The following ADA variants were observed in gnomAD, a reference collection of about 807,000 sequenced individuals.
The protein encoded by ADA is adenosine deaminase, also known as adenosine aminohydrolase.
In ADA, 45 loss-of-function variants were observed where a neutral mutation model predicts 49.0. That is an observed-to-expected ratio of 0.92 (90% CI 0.72 to 1.18). The LOEUF (loss-of-function observed/expected upper bound fraction) is 1.18. ADA is among the 50% of genes most tolerant of loss of function. ADA has a pLI of 0.00. For missense variants in ADA, 445 were observed against 472.5 expected (o/e 0.94, Z 0.54); for synonymous variants, 173 against 184.2 (o/e 0.94, Z 0.49).
intron 2 of ADA, chr20:44,635,943 T>A (rs1054331710): frequency 2.1e-6 from 1 of 477,420 alleles, no homozygotes; most frequent in African/African-American, 2.0e-5. Flanking sequence ...ACTACCTTCA[T>A]GCACGTATGT....
intron 1 of ADA, among the ~76,000 whole-genome samples, chr20:44,641,191 C>T (rs940292149): frequency 1.3e-5 from 2 of 152,074 alleles, no homozygotes; most frequent in African/African-American, 4.8e-5. Flanking sequence ...GTTAGGAGCA[C>T]GGGAAGTTCT....
chr20:44,643,425 T>G (rs548179730), intron 1 of ADA, among the ~76,000 whole-genome samples: 63 of 152,218 alleles, frequency 4.1e-4, no homozygotes, highest in African/African-American at 1.5e-3. Context: ...AATACAGAAA[T>G]AATAATAATG....
In ADA at chr20:44,636,344, T is replaced by C. The variant is rs1026221166; in HGVS notation, c.34-56A>G. ...AAGGGAGAGAGAGAACAAATACCTA[T>C]GAGTTCACGAAGGACCTTTCAGAGC... is the stretch of plus-strand genomic sequence containing the variant. On this transcript the variant is annotated intron_variant, in intron 1 of 11. Coordinates refer to ENST00000372874, the MANE Select transcript of ADA (RefSeq NM_000022.4). The C allele has an allele frequency of 4.2e-6, 6 of 1,418,926 alleles. No homozygotes were observed. The African/African-American group carries it at 5.7e-5, about 13-fold the overall frequency. 87.9% of individuals were successfully genotyped at this position (1,418,926 alleles called of 1,614,324 possible).
chr20:44,631,399 C>A (rs2065432034), intron 2 of ADA, among the ~76,000 whole-genome samples: 1 of 152,186 alleles, frequency 6.6e-6, no homozygotes, highest in Non-Finnish European at 1.5e-5. Context: ...TGCTTCCCCT[C>A]CCACTGCTGG....
intron 9 of ADA, among the ~76,000 whole-genome samples, chr20:44,621,475 C>G (rs2123512655): frequency 6.6e-6 from 1 of 152,170 alleles, no homozygotes; most frequent in Non-Finnish European, 1.5e-5. Context: ...CGGCTGCCAC[C>G]CTCTCCAGCC....
chr20:44,630,530 G>T (rs1171040364), intron 2 of ADA, among the ~76,000 whole-genome samples: 1 of 152,134 alleles, frequency 6.6e-6, no homozygotes, highest in Non-Finnish European at 1.5e-5. Flanking sequence ...CAGAACCCAA[G>T]AACGAGCCCT....
At chr20:44,633,688 A>G (rs377224358) in intron 2 of ADA, among the ~76,000 whole-genome samples, 17 of 152,216 alleles carry the variant, frequency 1.1e-4, no homozygotes, top group African/African-American at 4.1e-4. Context: ...CAGTGATCGG[A>G]GGAAAGAGCA....
At chr20:44,647,225 G>A (rs187178783) in intron 1 of ADA, among the ~76,000 whole-genome samples, 6 of 151,898 alleles carry the variant, frequency 4.0e-5, no homozygotes, top group African/African-American at 1.2e-4. Context: ...ACCTGAAGTC[G>A]GGAGTTCGAG....
At chr20:44,633,164 C>G (rs2065449091) in intron 2 of ADA, among the ~76,000 whole-genome samples, 1 of 152,194 alleles carries the variant, frequency 6.6e-6, no homozygotes, top group Non-Finnish European at 1.5e-5. Context: ...ATCTCCCACC[C>G]CTATTTACCA....
chr20:44,622,867 G>C lies in ADA; in HGVS notation c.742C>G (p.Leu248Val). The C allele has an allele frequency of 6.2e-7, 1 of 1,614,242 alleles. No individual in the cohort carries two copies. The highest frequency in any genetic ancestry group is 1.1e-5 in the South Asian group (1 of 91,080). The change falls in exon 8 of 12, where the codon CTT becomes GTT. Residue 248 changes from leucine (L) to valine (V), a missense_variant. Transcript: ENST00000372874. ...TTTTCCTGCCGCAGCCTGTTATAAAGGGCCTGGTCTTCCAGGGTGTGGTAG... is the reference window on the plus strand; with the variant it reads ...TTTTCCTGCCGCAGCCTGTTATAAACGGCCTGGTCTTCCAGGGTGTGGTAG... ...HGYHTLEDQA[L>V]YNRLRQENMH...
At chr20:44,636,333 A>C in intron 1 of ADA, 45 bp from the exon 2 acceptor site, 1 of 1,470,420 alleles carries the variant, frequency 6.8e-7, no homozygotes, top group Non-Finnish European at 9.4e-7. Flanking sequence ...GAGAGAGAGA[A>C]CAAATACCTA....
intron 1 of ADA, among the ~76,000 whole-genome samples, chr20:44,637,180 T>C (rs2065488632): frequency 6.6e-6 from 1 of 152,160 alleles, no homozygotes; most frequent in African/African-American, 2.4e-5. Flanking sequence ...GGAAGATCTT[T>C]CTAGTACTCT....
At chr20:44,624,131 T>C in intron 6 of ADA, 71 bp downstream of exon 6, 2 of 1,548,012 alleles carry the variant, frequency 1.3e-6, no homozygotes, top group Non-Finnish European at 1.7e-6. Context: ...GTTCTTGTGA[T>C]TTCTCCCAAC....
At chr20:44,623,654 C>G (rs2065353393) in intron 6 of ADA, among the ~76,000 whole-genome samples, 1 of 149,478 alleles carries the variant, frequency 6.7e-6, no homozygotes, top group Non-Finnish European at 1.5e-5. Context: ...TTCTCTCTCC[C>G]TTCCTTCCTT....
At chr20:44,627,108 C>T (rs1295618061) in intron 3 of ADA, among the ~76,000 whole-genome samples, 1 of 151,972 alleles carries the variant, frequency 6.6e-6, no homozygotes, top group Non-Finnish European at 1.5e-5. Flanking sequence ...TCCTACACTG[C>T]GTCTCTCCCG....
intron 1 of ADA, among the ~76,000 whole-genome samples, chr20:44,649,017 C>G (rs1369250312): frequency 1.3e-5 from 2 of 152,076 alleles, no homozygotes; most frequent in African/African-American, 4.8e-5. Context: ...ACCTGGGGCA[C>G]TGGCACCTCT....
intron 1 of ADA, among the ~76,000 whole-genome samples, chr20:44,648,380 A>G (rs906350100): frequency 6.6e-6 from 1 of 152,118 alleles, no homozygotes; most frequent in Non-Finnish European, 1.5e-5. Flanking sequence ...GGAATCCAAG[A>G]GTGGCCAACC....
At chr20:44,624,035 C>T (rs2065358563) in intron 6 of ADA, 167 bp downstream of exon 6, 3 of 978,962 alleles carry the variant, frequency 3.1e-6, no homozygotes, top group African/African-American at 3.2e-5. Context: ...CATGAACCAC[C>T]ACGCCTGGCC....
intron 1 of ADA, among the ~76,000 whole-genome samples, chr20:44,641,193 G>A (rs1364843553): frequency 6.6e-6 from 1 of 152,108 alleles, no homozygotes; most frequent in African/African-American, 2.4e-5. Flanking sequence ...TAGGAGCACG[G>A]GAAGTTCTGG....
Sources: gnomAD v4.1 joint callset for allele counts (sites outside exome capture counted in the v4.1 genomes callset) on GRCh38, gnomAD v4.1.1 for gene constraint, MANE v1.5 for transcripts, NCBI Gene and HGNC (gene_info 2026-07-23, HGNC 2026-07-21) for gene names.